The following PCDHA2 variants were observed in gnomAD, a reference collection of about 807,000 sequenced individuals.
PCDHA2 encodes the protein protocadherin alpha-2.
Under a neutral mutation model 66.0 loss-of-function variants are expected in PCDHA2, and 58 were observed. The observed-to-expected ratio is 0.88, with a 90% CI of 0.71 to 1.09. PCDHA2 has a LOEUF of 1.09. Ranked by LOEUF, PCDHA2 falls within the 50% of genes least tolerant of loss-of-function variation. The pLI is 0.00. For missense variants in PCDHA2, 1,267 were observed against 1,242.3 expected, an observed-to-expected ratio of 1.02 and a Z score of -0.30; for synonymous variants, 634 against 554.0, an observed-to-expected ratio of 1.14 and a Z score of -2.03.
chr5:140,832,466 T>TA (rs1319318585), intron 1 of PCDHA2, among the ~76,000 whole-genome samples: 6 of 152,186 alleles, frequency 3.9e-5, no homozygotes, highest in South Asian at 2.1e-4. Context: ...CACTAAAATT[T>TA]AAAAAAACTA....
chr5:140,886,317 G>A (rs1323122893), intron 1 of PCDHA2, among the ~76,000 whole-genome samples: 2 of 151,612 alleles, frequency 1.3e-5, no homozygotes, highest in Non-Finnish European at 2.9e-5. Context: ...TACACTTTAA[G>A]TTCTGGGATA....
intron 1 of PCDHA2, chr5:140,835,642 C>T (rs2150240514): frequency 1.2e-6 from 2 of 1,613,940 alleles, no homozygotes; most frequent in East Asian, 2.2e-5. Flanking sequence ...AGTGTGTCCG[C>T]CTATGAGCTG....
chr5:140,828,250 G>C, intron 1 of PCDHA2: 2 of 1,613,982 alleles, frequency 1.2e-6, no homozygotes, highest in Non-Finnish European at 1.7e-6. Context: ...AGGACCTGGG[G>C]CTGGAGCTGG....
At chr5:140,985,884 C>T (rs1263620553) in intron 3 of PCDHA2, among the ~76,000 whole-genome samples, 4 of 151,722 alleles carry the variant, frequency 2.6e-5, no homozygotes, top group East Asian at 3.9e-4. Context: ...GGACTACAGG[C>T]GCCCGCCACC....
chr5:140,838,086 GTGT>G (rs1775518307), intron 1 of PCDHA2, among the ~76,000 whole-genome samples: 1 of 64,264 alleles, frequency 1.6e-5, no homozygotes, highest in Non-Finnish European at 3.1e-5. Context: ...TAGTGTGTGT[GTGT>G]GTGTGTGTGT....
chr5:140,850,861 C>A, intron 1 of PCDHA2: 2 of 1,592,808 alleles, frequency 1.3e-6, no homozygotes, highest in Admixed American at 3.4e-5. Flanking sequence ...ACGGGAGAAC[C>A]CTCTGCTTCC....
At chr5:140,805,029 A>G (rs1763495227) in intron 1 of PCDHA2, 1 of 1,581,346 alleles carries the variant, frequency 6.3e-7, no homozygotes, top group Admixed American at 1.7e-5. Flanking sequence ...CTTGAATATA[A>G]TAGAGTCAGC....
At chr5:140,903,927 G>A (rs1202330297) in intron 1 of PCDHA2, among the ~76,000 whole-genome samples, 1 of 152,158 alleles carries the variant, frequency 6.6e-6, no homozygotes, top group Non-Finnish European at 1.5e-5. Context: ...TGCTGCATTG[G>A]ATAATACCTC....
At chr5:140,831,655 G>C (rs2150196678) in intron 1 of PCDHA2, among the ~76,000 whole-genome samples, 27 of 151,452 alleles carry the variant, frequency 1.8e-4, no homozygotes, top group African/African-American at 6.1e-4. Context: ...GAGCCACTAT[G>C]CTTGGCTAGT....
At chr5:140,821,884 G>A (rs2150111623) in intron 1 of PCDHA2, 3 of 1,614,242 alleles carry the variant, frequency 1.9e-6, no homozygotes, top group Non-Finnish European at 2.5e-6. Flanking sequence ...GATCCCGGAG[G>A]AAGCCAAACA....
Position 140,830,106 on chromosome 5 carries a change from G to A in PCDHA2, c.2388+32754G>A. The A allele has an allele frequency of 1.9e-6, 3 of 1,613,618 alleles. No individual in the cohort carries two copies. In the South Asian group the frequency reaches 3.3e-5, roughly 18 times the overall value. On this transcript the variant is annotated intron_variant, in intron 1 of 3. Transcript: ENST00000526136. ...ACGGTTCTGGTGTCGCTGGTGGAGAGTGGCCAGGCTCCAAAGGCGTCATCA... is the reference window on the plus strand; with the variant it reads ...ACGGTTCTGGTGTCGCTGGTGGAGAATGGCCAGGCTCCAAAGGCGTCATCA...
intron 1 of PCDHA2, among the ~76,000 whole-genome samples, chr5:140,937,338 C>T (rs1554211545): frequency 1.3e-5 from 2 of 151,992 alleles, no homozygotes; most frequent in Non-Finnish European, 2.9e-5. Flanking sequence ...CGCCCGGCTT[C>T]TTCCATTTAT....
At chr5:140,981,977 G>A (rs1321410399) in intron 2 of PCDHA2, among the ~76,000 whole-genome samples, 1 of 152,128 alleles carries the variant, frequency 6.6e-6, no homozygotes, top group African/African-American at 2.4e-5. Context: ...TATAGAAAGA[G>A]TAAAATAGAA....
At chr5:140,975,364 C>G (rs2096664243) in intron 1 of PCDHA2, among the ~76,000 whole-genome samples, 1 of 152,204 alleles carries the variant, frequency 6.6e-6, no homozygotes, top group South Asian at 2.1e-4. Flanking sequence ...TGCTACATAG[C>G]ATAATGTAAT....
intron 1 of PCDHA2, chr5:140,881,923 AGTGATT>A (rs2058875658): frequency 3.8e-6 from 1 of 262,834 alleles, no homozygotes; most frequent in African/African-American, 2.2e-5. Flanking sequence ...AGCAGAATGC[AGTGATT>A]TGCTGTTTCT....
chr5:140,824,510 G>A (rs1052808774), intron 1 of PCDHA2: 6 of 283,302 alleles, frequency 2.1e-5, no homozygotes, highest in Non-Finnish European at 2.6e-5. Flanking sequence ...AGTCTGCAGT[G>A]ATCTGATCAT....
intron 1 of PCDHA2, among the ~76,000 whole-genome samples, chr5:140,970,926 G>A (rs1179837731): frequency 6.6e-6 from 1 of 152,154 alleles, no homozygotes; most frequent in Non-Finnish European, 1.5e-5. Flanking sequence ...AGAAGTGCCT[G>A]GTGTTAGTCA....
chr5:140,803,036 T>G, intron 1 of PCDHA2: 1 of 1,614,018 alleles, frequency 6.2e-7, no homozygotes, highest in Non-Finnish European at 8.5e-7. Flanking sequence ...AGCTGCAGCC[T>G]GGGACCGGCG....
intron 1 of PCDHA2, among the ~76,000 whole-genome samples, chr5:140,903,182 G>A (rs1030121963): frequency 1.3e-5 from 2 of 152,164 alleles, no homozygotes; most frequent in Non-Finnish European, 2.9e-5. Flanking sequence ...CCCACCAATA[G>A]TATAAAAGAG....
Sources: allele counts gnomAD v4.1 joint callset (sites outside exome capture counted in the v4.1 genomes callset), GRCh38; gene constraint gnomAD v4.1.1; transcripts MANE v1.5; gene names NCBI Gene and HGNC (gene_info 2026-07-23, HGNC 2026-07-21).